Variants in DLGAP2 observed in about 807,000 individuals in gnomAD.
DLGAP2 encodes the protein disks large-associated protein 2.
A neutral mutation model predicts 100.3 loss-of-function variants in DLGAP2; 26 were observed. That is an observed-to-expected ratio of 0.26 (90% CI 0.19 to 0.36). The LOEUF is 0.36. Among genes scored for constraint, DLGAP2 ranks in the 10% least tolerant of loss-of-function variants. The pLI, the probability that DLGAP2 is intolerant of heterozygous loss-of-function variation, is 1.00. For missense variants in DLGAP2, 1,858 were observed against 1,453.2 expected, an observed-to-expected ratio of 1.28 and a Z score of -4.53; for synonymous variants, 886 against 630.1, an observed-to-expected ratio of 1.41 and a Z score of -6.08.
chr8:977,556 A>G (rs1361987690), intron 2 of DLGAP2, among the ~76,000 whole-genome samples: 1 of 152,280 alleles, frequency 6.6e-6, no homozygotes, highest in East Asian at 1.9e-4. Flanking sequence ...TTATTTTTGA[A>G]CTCATGCCTC....
At chr8:863,317 CATTG>C (rs1326410006) in intron 1 of DLGAP2, among the ~76,000 whole-genome samples, 9 of 152,176 alleles carry the variant, frequency 5.9e-5, no homozygotes, top group Non-Finnish European at 1.5e-5. Context: ...ACCCTCAAGT[CATTG>C]ATGGAGTGCT....
chr8:1,451,391 T>A (rs1379052430), intron 3 of DLGAP2, among the ~76,000 whole-genome samples: 1 of 152,126 alleles, frequency 6.6e-6, no homozygotes, highest in African/African-American at 2.4e-5. Flanking sequence ...TCCAGCCACC[T>A]CCTGCCAGAC....
At chr8:1,415,000 C>T (rs540794320) in intron 3 of DLGAP2, among the ~76,000 whole-genome samples, 1 of 152,038 alleles carries the variant, frequency 6.6e-6, no homozygotes, top group East Asian at 1.9e-4. Context: ...CAGAGCAAGA[C>T]TCCGTCTCAA....
At chr8:1,303,354 G>A (rs112538141) in intron 3 of DLGAP2, among the ~76,000 whole-genome samples, 7,334 of 146,246 alleles carry the variant, frequency 0.05, 538 homozygotes, top group African/African-American at 0.16. Flanking sequence ...CCGAGATCGC[G>A]CCACCGCACT....
intron 2 of DLGAP2, among the ~76,000 whole-genome samples, chr8:1,113,681 C>A (rs760849412): frequency 1.1e-4 from 17 of 152,000 alleles, no homozygotes; most frequent in South Asian, 1.0e-3. Context: ...TGCTTGGATG[C>A]CCTTTATTTT....
At chr8:1,366,750 G>T (rs1441477096) in intron 3 of DLGAP2, among the ~76,000 whole-genome samples, 3 of 152,198 alleles carry the variant, frequency 2.0e-5, no homozygotes, top group Non-Finnish European at 4.4e-5. Flanking sequence ...GCATCATCCA[G>T]GAGGCTGGAC....
At chr8:1,095,612 G>A (rs947075331) in intron 2 of DLGAP2, among the ~76,000 whole-genome samples, 16 of 152,104 alleles carry the variant, frequency 1.1e-4, no homozygotes, top group African/African-American at 2.7e-4. Flanking sequence ...ACCATTTTCC[G>A]AGTGCTGGGC....
intron 3 of DLGAP2, among the ~76,000 whole-genome samples, chr8:1,365,154 T>C (rs1222286774): frequency 1.3e-5 from 2 of 152,112 alleles, no homozygotes; most frequent in Non-Finnish European, 2.9e-5. Flanking sequence ...AAGCCATCTG[T>C]GGTTCGGGGC....
At chr8:1,614,710 C>G (rs1797093562) in intron 6 of DLGAP2, among the ~76,000 whole-genome samples, 1 of 152,242 alleles carries the variant, frequency 6.6e-6, no homozygotes, top group Non-Finnish European at 1.5e-5. Context: ...AGGACAGTTG[C>G]TCACCCTGGC....
chr8:861,067 A>T (rs2084643242), intron 1 of DLGAP2, among the ~76,000 whole-genome samples: 1 of 152,146 alleles, frequency 6.6e-6, no homozygotes. Context: ...CGGAGGGGAC[A>T]TGAGGAGAGG....
chr8:1,439,792 G>A (rs530053985), intron 3 of DLGAP2, among the ~76,000 whole-genome samples: 1 of 152,192 alleles, frequency 6.6e-6, no homozygotes, highest in African/African-American at 2.4e-5. Context: ...GATGAGCCAC[G>A]TGTGCACACA....
intron 2 of DLGAP2, among the ~76,000 whole-genome samples, chr8:1,021,001 T>C (rs553137044): frequency 3.4e-4 from 51 of 152,176 alleles, no homozygotes; most frequent in Non-Finnish European, 6.3e-4. Context: ...CTTTTATAGA[T>C]AAACTAAAAG....
Position 1,110,543 on chromosome 8 carries a change from G to A in DLGAP2, c.74-148308G>A, listed in dbSNP as rs28626061. Among the ~76,000 whole-genome samples the A allele has an allele frequency of 6.4e-3, 974 of 151,490 alleles. 5 individuals carry two copies. Among genetic ancestry groups the A allele is most frequent in the Non-Finnish European group, 8.9e-3 (606 of 67,824 alleles). On this transcript the variant is annotated intron_variant, in intron 2 of 14. Coordinates refer to ENST00000637795, the MANE Select transcript of DLGAP2 (RefSeq NM_001346810.2). ...TGCTGGGTCTGTGAGGTGTGCATAG[G>A]GTGGGTGAGGTGTGCACGTGCCTGT...
rs150630404 is a variant in DLGAP2 at position 1,621,136 on chromosome 8, G to A, written c.1443-5604G>A. On this transcript the variant is annotated intron_variant, in intron 6 of 14. Coordinates refer to ENST00000637795, the MANE Select transcript of DLGAP2 (RefSeq NM_001346810.2). Reference sequence around the variant, plus strand: ...TGCACTTCCAAGCACCCAGACTTACGTGGGAGGTGCCTTATTAAGATGCCT... The same window carrying A: ...TGCACTTCCAAGCACCCAGACTTACATGGGAGGTGCCTTATTAAGATGCCT... 4.8e-3 allele frequency: 734 copies of A among 152,386 alleles called. 3 individuals are homozygous for A. Among genetic ancestry groups the A allele is most frequent in the Non-Finnish European group, 8.1e-3 (552 of 68,074 alleles). 9.4% of individuals were successfully genotyped at this position (152,386 alleles called of 1,614,324 possible). A position where few individuals can be genotyped will look rare whatever the true frequency, so the allele number is the denominator to read the frequency against.
chr8:895,263 A>C (rs1347351675), intron 1 of DLGAP2, among the ~76,000 whole-genome samples: 1 of 152,140 alleles, frequency 6.6e-6, no homozygotes, highest in Non-Finnish European at 1.5e-5. Flanking sequence ...GGACGGATAC[A>C]TCATATCGGA....
intron 2 of DLGAP2, among the ~76,000 whole-genome samples, chr8:1,154,210 C>A (rs777558389): frequency 4.6e-5 from 7 of 152,088 alleles, no homozygotes; most frequent in African/African-American, 1.7e-4. Context: ...ACTACGGCGT[C>A]GTCCAAGCAA....
intron 2 of DLGAP2, among the ~76,000 whole-genome samples, chr8:1,220,096 G>A (rs1318169223): frequency 6.6e-6 from 1 of 151,966 alleles, no homozygotes; most frequent in East Asian, 1.9e-4. Context: ...ATGGATTTTT[G>A]TGTCTGAATT....
intron 8 of DLGAP2, among the ~76,000 whole-genome samples, chr8:1,665,941 C>T (rs965452807): frequency 6.6e-6 from 1 of 152,226 alleles, no homozygotes; most frequent in Non-Finnish European, 1.5e-5. Flanking sequence ...GTGTCCATGT[C>T]GCACTCAACA....
chr8:1,065,728 C>T (rs903309636), intron 2 of DLGAP2, among the ~76,000 whole-genome samples: 4 of 152,198 alleles, frequency 2.6e-5, no homozygotes, highest in East Asian at 3.8e-4. Context: ...CTGGTTATCC[C>T]ATTTAAGTAC....
Sources: gnomAD v4.1 joint callset for allele counts (sites outside exome capture counted in the v4.1 genomes callset) on GRCh38, gnomAD v4.1.1 for gene constraint, MANE v1.5 for transcripts, NCBI Gene and HGNC (gene_info 2026-07-23, HGNC 2026-07-21) for gene names.